IL1RAPL1: variants seen among roughly 807,000 people sequenced by gnomAD.
IL1RAPL1 encodes the protein interleukin 1 receptor accessory protein like 1, also known as interleukin-1 receptor accessory protein-like 1.
A neutral mutation model predicts 48.4 loss-of-function variants in IL1RAPL1; 3 were observed. The ratio of observed to expected loss-of-function variants is 0.06; its 90% CI spans 0.03 to 0.16. IL1RAPL1 has a LOEUF of 0.16. Among genes scored for constraint, IL1RAPL1 ranks in the 10% least tolerant of loss-of-function variants. The pLI is 1.00. For missense variants in IL1RAPL1, 349 were observed against 530.6 expected, an observed-to-expected ratio of 0.66 and a Z score of 3.36; for synonymous variants, 185 against 187.7, an observed-to-expected ratio of 0.99 and a Z score of 0.12.
chrX:28,770,522 A>G (rs1264423237), intron 1 of IL1RAPL1, among the ~76,000 whole-genome samples: 1 of 112,427 alleles, frequency 8.9e-6, no homozygotes, highest in Admixed American at 9.4e-5. Flanking sequence ...TCCAACGTGT[A>G]TAATAGTTTT....
chrX:29,673,516 C>A (rs762810747), intron 6 of IL1RAPL1, among the ~76,000 whole-genome samples: 5 of 111,291 alleles, frequency 4.5e-5, no homozygotes, highest in African/African-American at 1.6e-4. Flanking sequence ...CCAACAAACT[C>A]AAATTAAAAA....
intron 1 of IL1RAPL1, among the ~76,000 whole-genome samples, chrX:28,686,599 C>T (rs1935114150): frequency 8.9e-6 from 1 of 112,315 alleles, no homozygotes; most frequent in Non-Finnish European, 1.9e-5. Flanking sequence ...TTTGCTATAG[C>T]AGAAAACAGT....
intron 2 of IL1RAPL1, among the ~76,000 whole-genome samples, chrX:28,820,416 C>T (rs1332529206): frequency 9.0e-6 from 1 of 111,058 alleles, no homozygotes; most frequent in Non-Finnish European, 1.9e-5. Context: ...TGGATTACCA[C>T]TTTTGATGTT....
intron 3 of IL1RAPL1, among the ~76,000 whole-genome samples, chrX:29,334,687 G>A (rs1383311524): frequency 1.8e-5 from 2 of 112,591 alleles, no homozygotes; most frequent in South Asian, 3.7e-4. Flanking sequence ...AGGGCGGCGG[G>A]GCAGAGGTGC....
chrX:29,336,304 GGT>G (rs375590826), intron 3 of IL1RAPL1, among the ~76,000 whole-genome samples: 2,419 of 70,744 alleles, frequency 0.034, 57 homozygotes, highest in South Asian at 0.14. Context: ...ACCGTTTTGG[GGT>G]GTGTGTGTGT....
intron 5 of IL1RAPL1, among the ~76,000 whole-genome samples, chrX:29,510,685 C>T (rs764496193): frequency 8.9e-6 from 1 of 111,747 alleles, no homozygotes; most frequent in Non-Finnish European, 1.9e-5. Flanking sequence ...CATTCTATCT[C>T]TTCTAGATCA....
chrX:29,680,785 A>G (rs1926428292), intron 6 of IL1RAPL1, among the ~76,000 whole-genome samples: 2 of 111,352 alleles, frequency 1.8e-5, no homozygotes, highest in South Asian at 7.6e-4. Context: ...TCTTGGGCTG[A>G]AAACTCTTCC....
Position 28,755,906 on chromosome X carries a change from G to A in IL1RAPL1, c.-24-33414G>A, listed in dbSNP as rs768860509. On this transcript the variant is annotated intron_variant, in intron 1 of 10. Coordinates refer to ENST00000378993, the MANE Select transcript of IL1RAPL1 (RefSeq NM_014271.4). The stretch of plus-strand genomic sequence containing the variant: ...GATTCAGAGAGTCTAGGATTTGGCC[G>A]AGTAATTTGCACTTCTGTTATTGCT... Among the ~76,000 whole-genome samples the A allele has an allele frequency of 4.5e-5, 5 of 111,406 alleles. No homozygotes were observed. In the East Asian group the frequency reaches 8.5e-4, roughly 19 times the overall value.
chrX:29,157,860 T>C (rs1401351730), intron 2 of IL1RAPL1, among the ~76,000 whole-genome samples: 1 of 111,804 alleles, frequency 8.9e-6, no homozygotes, highest in African/African-American at 3.3e-5. Flanking sequence ...GTCATTGTAA[T>C]TACATTAAAT....
chrX:29,081,020 C>CTCTCTCTCTCTCTTTTCT (rs1555960745), intron 2 of IL1RAPL1, among the ~76,000 whole-genome samples: 3 of 41,914 alleles, frequency 7.2e-5, no homozygotes, highest in African/African-American at 9.0e-5. Context: ...CTCTCTCTCT[C>CTCTCTCTCTCTCTTTTCT]TTTCTTTTCT....
At position 29,448,502 on chromosome X, in the gene IL1RAPL1, T is replaced by C. The variant is rs983906465; in HGVS notation, c.703+49194T>C. Among the ~76,000 whole-genome samples the C allele has an allele frequency of 3.6e-5, 4 of 112,134 alleles. No homozygotes were observed. The Admixed American group carries it at 3.8e-4, about 11-fold the overall frequency. Reference sequence around the variant, plus strand: ...TTGATTCAAAATAATTTTAAACATATACATATACTAATATTTACTAAGACT... The same window carrying C: ...TTGATTCAAAATAATTTTAAACATACACATATACTAATATTTACTAAGACT... On this transcript the variant is annotated intron_variant, in intron 5 of 10. Transcript: ENST00000378993.
chrX:29,139,070 G>A (rs1268089958), intron 2 of IL1RAPL1, among the ~76,000 whole-genome samples: 4 of 111,619 alleles, frequency 3.6e-5, no homozygotes, highest in Non-Finnish European at 7.5e-5. Context: ...GGTGAACCTG[G>A]TTGCCCATCT....
chrX:29,246,788 T>C (rs1931521484), intron 2 of IL1RAPL1, among the ~76,000 whole-genome samples: 1 of 111,310 alleles, frequency 9.0e-6, no homozygotes, highest in South Asian at 3.8e-4. Context: ...GTAACCATAA[T>C]TGTTTTGAAG....
intron 5 of IL1RAPL1, among the ~76,000 whole-genome samples, chrX:29,656,333 T>C (rs1212745282): frequency 1.8e-5 from 2 of 111,386 alleles, no homozygotes; most frequent in African/African-American, 6.5e-5. Context: ...GTATGGTCTT[T>C]AGTGGTGATT....
At chrX:29,717,009 T>C (rs991562056) in intron 6 of IL1RAPL1, among the ~76,000 whole-genome samples, 7 of 111,249 alleles carry the variant, frequency 6.3e-5, no homozygotes, top group African/African-American at 2.3e-4. Flanking sequence ...TATTGAATAT[T>C]GATATAACAC....
chrX:29,705,324 C>T (rs185796611), intron 6 of IL1RAPL1, among the ~76,000 whole-genome samples: 28 of 111,558 alleles, frequency 2.5e-4, no homozygotes, highest in African/African-American at 8.2e-4. Context: ...GAGTGATTCT[C>T]GTTCCTCAGC....
At chrX:29,152,462 C>G (rs1312521451) in intron 2 of IL1RAPL1, among the ~76,000 whole-genome samples, 2 of 111,808 alleles carry the variant, frequency 1.8e-5, no homozygotes, top group Non-Finnish European at 3.8e-5. Flanking sequence ...ACTCCCCGTC[C>G]CACATAGTCA....
intron 1 of IL1RAPL1, among the ~76,000 whole-genome samples, chrX:28,697,545 TAG>T (rs1357551406): frequency 1.5e-4 from 17 of 111,574 alleles, no homozygotes; most frequent in African/African-American, 4.9e-4. Context: ...TGATTTAAAA[TAG>T]AGTTACTCTT....
chrX:28,889,126 AGAT>A (rs1463917634), intron 2 of IL1RAPL1, among the ~76,000 whole-genome samples: 3 of 111,634 alleles, frequency 2.7e-5, no homozygotes, highest in African/African-American at 9.7e-5. Context: ...GGATTTAGTA[AGAT>A]GATATAAAAT....
Sources: allele counts gnomAD v4.1 joint callset (sites outside exome capture counted in the v4.1 genomes callset), GRCh38; gene constraint gnomAD v4.1.1; transcripts MANE v1.5; gene names NCBI Gene and HGNC (gene_info 2026-07-23, HGNC 2026-07-21).